Variants in ABCA13 observed in about 807,000 individuals in gnomAD.
ABCA13 encodes ATP binding cassette subfamily A member 13.
In ABCA13, 476 loss-of-function variants were observed where a neutral mutation model predicts 478.7. The ratio of observed to expected loss-of-function variants is 0.99; its 90% CI spans 0.92 to 1.07. ABCA13 has a LOEUF of 1.07. Ranked by LOEUF, ABCA13 falls within the 50% of genes least tolerant of loss-of-function variation. The pLI is 0.00. For synonymous variants in ABCA13, 2,252 were observed against 2,158.9 expected, an observed-to-expected ratio of 1.04 and a Z score of -1.20; for missense variants, 6,060 against 5,910.6, an observed-to-expected ratio of 1.03 and a Z score of -0.83.
intron 20 of ABCA13, among the ~76,000 whole-genome samples, 183 bp downstream of exon 20, chr7:48,288,261 A>C (rs1456397684): frequency 1.3e-5 from 2 of 152,202 alleles, no homozygotes; most frequent in Non-Finnish European, 2.9e-5. Flanking sequence ...GGCCTCTCCC[A>C]GTGGTGTGCT....
chr7:48,580,066 A>G (rs1382222842), intron 55 of ABCA13, among the ~76,000 whole-genome samples, 158 bp from the exon 56 acceptor site: 1 of 152,180 alleles, frequency 6.6e-6, no homozygotes, highest in Non-Finnish European at 1.5e-5. Context: ...GACTTCTTGT[A>G]TTCTTCACGT....
chr7:48,213,088 A>C (rs986389849), intron 3 of ABCA13, among the ~76,000 whole-genome samples: 1 of 151,986 alleles, frequency 6.6e-6, no homozygotes, highest in African/African-American at 2.4e-5. Flanking sequence ...TTTTCAGTTT[A>C]TTTCTTTCTA....
chr7:48,349,359 C>T (rs2128977727), intron 29 of ABCA13, among the ~76,000 whole-genome samples: 1 of 152,274 alleles, frequency 6.6e-6, no homozygotes, highest in South Asian at 2.1e-4. Context: ...GCAGAAGGAG[C>T]CCGACACTTC....
At chr7:48,434,152 T>C (rs1822514661) in intron 42 of ABCA13, among the ~76,000 whole-genome samples, 1 of 152,062 alleles carries the variant, frequency 6.6e-6, no homozygotes, top group Non-Finnish European at 1.5e-5. Flanking sequence ...GGGCTCCAGT[T>C]CCTCCATATC....
intron 3 of ABCA13, among the ~76,000 whole-genome samples, chr7:48,199,540 G>A (rs1388248472): frequency 1.3e-5 from 2 of 152,114 alleles, no homozygotes; most frequent in Admixed American, 1.3e-4. Flanking sequence ...CATCTTAGGG[G>A]TTATGTTTCA....
chr7:48,469,354 G>A (rs1354228665), intron 44 of ABCA13, among the ~76,000 whole-genome samples: 3 of 152,278 alleles, frequency 2.0e-5, no homozygotes, highest in African/African-American at 7.2e-5. Context: ...TGAGGCCATG[G>A]ATCAGCAGTG....
At position 48,198,349 on chromosome 7, in the gene ABCA13, G is replaced by T; in HGVS notation, c.276G>T (p.Glu92Asp). The change falls in exon 3 of 62, where the codon GAG (glutamate) becomes GAT (aspartate). Residue 92 changes from glutamate to aspartate, a missense_variant. Coordinates refer to ENST00000435803, the MANE Select transcript of ABCA13 (RefSeq NM_152701.5). ...CRNFSYEGSM[E>D]HHFRLSRFQT... is the part of the protein sequence containing the mutation. ...ACTTCAGCTATGAAGGGTCAATGGA[G>T]CATCATTTTCGGTAAGAGAAACACA... 1 of 1,613,386 alleles carries T rather than the reference G, an allele frequency of 6.2e-7. No individual in the cohort carries two copies. Among genetic ancestry groups the T allele is most frequent in the Non-Finnish European group, 8.5e-7 (1 of 1,179,700 alleles).
chr7:48,222,995 T>C (rs1787596827), intron 5 of ABCA13, among the ~76,000 whole-genome samples: 1 of 151,654 alleles, frequency 6.6e-6, no homozygotes, highest in Admixed American at 6.6e-5. Flanking sequence ...GTGAGGGAGG[T>C]AGTGAGATGT....
chr7:48,286,223 T>C (rs1473439771), intron 19 of ABCA13, among the ~76,000 whole-genome samples: 1 of 152,146 alleles, frequency 6.6e-6, no homozygotes, highest in East Asian at 1.9e-4. Context: ...TCACTCTTGG[T>C]GTTGTCATTC....
chr7:48,480,366 C>G (rs1828634153), intron 45 of ABCA13, among the ~76,000 whole-genome samples: 1 of 152,242 alleles, frequency 6.6e-6, no homozygotes. Flanking sequence ...AAACCCCTGG[C>G]ATTTTGATAA....
intron 15 of ABCA13, among the ~76,000 whole-genome samples, chr7:48,257,972 G>A (rs113716463): frequency 0.014 from 2,161 of 152,226 alleles, 21 homozygotes; most frequent in Middle Eastern, 0.054. Flanking sequence ...TGCCCAGGCT[G>A]GAGTGAAGTG....
Position 48,568,033 on chromosome 7 carries a change from T to C in ABCA13, c.14355-12191T>C, listed in dbSNP as rs149806959. Among the ~76,000 whole-genome samples the C allele has an allele frequency of 2.7e-4, 41 of 152,258 alleles. No individual in the cohort carries two copies. The East Asian group carries it at 7.1e-3, about 26-fold the overall frequency. ...GGTAGTGTTTTGGTTAACTAAGACA[T>C]AATTCACATACTATCAAACTTATAA... On this transcript the variant is annotated intron_variant, in intron 55 of 61. Transcript: ENST00000435803.
chr7:48,419,209 G>A (rs1242170085), intron 41 of ABCA13, among the ~76,000 whole-genome samples: 1 of 152,196 alleles, frequency 6.6e-6, no homozygotes, highest in Non-Finnish European at 1.5e-5. Context: ...ATTAGGGATT[G>A]CAATTTGACA....
At chr7:48,596,626 A>G (rs879296078) in intron 58 of ABCA13, among the ~76,000 whole-genome samples, 5 of 151,974 alleles carry the variant, frequency 3.3e-5, no homozygotes, top group Admixed American at 2.6e-4. Context: ...GAGAAACCAC[A>G]TCTCTACTAA....
chr7:48,341,823 A>ATATC (rs1424077849), intron 29 of ABCA13, among the ~76,000 whole-genome samples: 3 of 92,988 alleles, frequency 3.2e-5, no homozygotes, highest in African/African-American at 1.1e-4. Flanking sequence ...ATATATATAT[A>ATATC]TATCTTTCTG....
intron 43 of ABCA13, among the ~76,000 whole-genome samples, chr7:48,457,476 G>A (rs931113824): frequency 1.3e-5 from 2 of 152,014 alleles, no homozygotes; most frequent in African/African-American, 4.8e-5. Flanking sequence ...TTAATTTGGC[G>A]ATTATGTTTT....
At chr7:48,397,834 G>A (rs530630847) in intron 38 of ABCA13, among the ~76,000 whole-genome samples, 4 of 152,310 alleles carry the variant, frequency 2.6e-5, no homozygotes, top group Admixed American at 2.0e-4. Flanking sequence ...AAAAGTCCTT[G>A]AGGGACCGAA....
At chr7:48,208,964 T>C (rs968638744) in intron 3 of ABCA13, among the ~76,000 whole-genome samples, 2 of 152,086 alleles carry the variant, frequency 1.3e-5, no homozygotes, top group East Asian at 1.9e-4. Flanking sequence ...TTATTGTGCT[T>C]GATTGTGTTC....
intron 1 of ABCA13, among the ~76,000 whole-genome samples, chr7:48,192,218 A>G (rs1295090463): frequency 6.6e-6 from 1 of 151,382 alleles, no homozygotes; most frequent in Non-Finnish European, 1.5e-5. Context: ...ATTAAATTCC[A>G]TGTGTGAAAT....
Sources: gnomAD v4.1 joint callset for allele counts (sites outside exome capture counted in the v4.1 genomes callset) on GRCh38, gnomAD v4.1.1 for gene constraint, MANE v1.5 for transcripts, NCBI Gene and HGNC (gene_info 2026-07-23, HGNC 2026-07-21) for gene names.